Variants in ATOSA observed in about 807,000 individuals in gnomAD.
ATOSA encodes the protein atos homolog A.
At chr15:52,593,945 C>T in the ATOSA span, among the ~76,000 whole-genome samples, 2 of 152,176 alleles carry the variant, frequency 1.3e-5, no homozygotes, top group African/African-American at 2.4e-5. Flanking sequence ...CTGCATCTCC[C>T]ATCAGTCTTC....
At chr15:52,616,134 T>C in the ATOSA span, among the ~76,000 whole-genome samples, 2 of 152,226 alleles carry the variant, frequency 1.3e-5, no homozygotes, top group Non-Finnish European at 2.9e-5. Flanking sequence ...CGTACTGTGA[T>C]AACCACTCGT....
chr15:52,606,257 A>G, the ATOSA span, among the ~76,000 whole-genome samples: 1 of 152,292 alleles, frequency 6.6e-6, no homozygotes, highest in East Asian at 1.9e-4. Flanking sequence ...AAAATTATAT[A>G]TAATGCAGTC....
the ATOSA span, among the ~76,000 whole-genome samples, chr15:52,665,879 A>G: frequency 6.6e-6 from 1 of 152,250 alleles, no homozygotes; most frequent in Non-Finnish European, 1.5e-5. Context: ...CTATACGACC[A>G]TTAAATATAC....
At chr15:52,611,724 G>C in the ATOSA span, 1 of 1,614,004 alleles carries the variant, frequency 6.2e-7, no homozygotes, top group Non-Finnish European at 8.5e-7. Context: ...TGATTGGAAG[G>C]TTATTCTTCC....
At chr15:52,612,665 CA>C in the ATOSA span, among the ~76,000 whole-genome samples, 1 of 151,828 alleles carries the variant, frequency 6.6e-6, no homozygotes, top group Admixed American at 6.6e-5. Flanking sequence ...CCACCACACC[CA>C]GCGAAGTTTT....
the ATOSA span, among the ~76,000 whole-genome samples, chr15:52,698,435 T>C: frequency 6.6e-6 from 1 of 152,234 alleles, no homozygotes; most frequent in African/African-American, 2.4e-5. Context: ...CTATGTTCTC[T>C]CATTTGTACA....
chr15:52,612,254 G>T, the ATOSA span, among the ~76,000 whole-genome samples: 1 of 151,996 alleles, frequency 6.6e-6, no homozygotes, highest in Non-Finnish European at 1.5e-5. Context: ...CAAAGTGCTG[G>T]GATTACAGGA....
chr15:52,698,807 G>C, the ATOSA span, among the ~76,000 whole-genome samples: 1 of 152,188 alleles, frequency 6.6e-6, no homozygotes, highest in African/African-American at 2.4e-5. Flanking sequence ...GTATACATAA[G>C]TAAAAATTCA....
chr15:52,608,581 T>A, the ATOSA span: 1 of 1,573,474 alleles, frequency 6.4e-7, no homozygotes, highest in South Asian at 1.2e-5. Context: ...TACCTCTGTA[T>A]TTTTTGGTTG....
chr15:52,604,940 ATT>A, the ATOSA span, among the ~76,000 whole-genome samples: 1 of 152,164 alleles, frequency 6.6e-6, no homozygotes, highest in Non-Finnish European at 1.5e-5. Context: ...AATAAATTTC[ATT>A]TTTATTCACA....
At chr15:52,625,293 A>G in the ATOSA span, among the ~76,000 whole-genome samples, 1 of 152,080 alleles carries the variant, frequency 6.6e-6, no homozygotes, top group East Asian at 1.9e-4. Context: ...CAAGCAGAGA[A>G]TAAGAGGCAA....
chr15:52,639,470 G>A, the ATOSA span, among the ~76,000 whole-genome samples: 151,302 of 152,326 alleles, frequency 0.99, 75,149 homozygotes, highest in Middle Eastern at 1. Context: ...AGAGTATCTA[G>A]TGAGTAGTAA....
At chr15:52,596,475 T>C in the ATOSA span, among the ~76,000 whole-genome samples, 12 of 152,176 alleles carry the variant, frequency 7.9e-5, no homozygotes, top group Non-Finnish European at 4.4e-5. Flanking sequence ...CCTCCTATCA[T>C]GTAAAAATTA....
chr15:52,587,275 C>A, the ATOSA span: 1 of 1,402,216 alleles, frequency 7.1e-7, no homozygotes. Flanking sequence ...ACATAAAAGA[C>A]TAAAATAAGA....
the ATOSA span, among the ~76,000 whole-genome samples, chr15:52,643,268 T>C: frequency 3.3e-5 from 5 of 152,142 alleles, no homozygotes; most frequent in Non-Finnish European, 4.4e-5. Context: ...CCAAAAATTA[T>C]AGCTAGTGAC....
chr15:52,582,397 A>G, the ATOSA span: 58 of 1,118,444 alleles, frequency 5.2e-5, no homozygotes, highest in African/African-American at 8.4e-4. Context: ...GGAAGAACAA[A>G]TCTTGCTACA....
chr15:52,670,172 A>T, the ATOSA span, among the ~76,000 whole-genome samples: 2 of 152,232 alleles, frequency 1.3e-5, no homozygotes, highest in Non-Finnish European at 2.9e-5. Context: ...TGACAGTGAC[A>T]TAAGTGTCCA....
the ATOSA span, among the ~76,000 whole-genome samples, chr15:52,603,067 C>A: frequency 6.6e-6 from 1 of 152,278 alleles, no homozygotes; most frequent in East Asian, 1.9e-4. Context: ...GCTTTTTACA[C>A]CAGCAAGACG....
the ATOSA span, among the ~76,000 whole-genome samples, chr15:52,599,641 G>A: frequency 1.3e-5 from 2 of 152,256 alleles, no homozygotes; most frequent in African/African-American, 2.4e-5. Flanking sequence ...AATATTGTGA[G>A]TAAACATATC....
Sources: allele counts gnomAD v4.1 joint callset (sites outside exome capture counted in the v4.1 genomes callset), GRCh38; gene constraint gnomAD v4.1.1; transcripts MANE v1.5; gene names NCBI Gene and HGNC (gene_info 2026-07-23, HGNC 2026-07-21).